The following NETO1 variants were observed in gnomAD, a reference collection of about 807,000 sequenced individuals.
NETO1 encodes neuropilin and tolloid like 1.
In NETO1, 26 loss-of-function variants were observed where a neutral mutation model predicts 61.3. The ratio of observed to expected loss-of-function variants is 0.42; its 90% confidence interval spans 0.31 to 0.59. The LOEUF is 0.59. Among genes scored for constraint, NETO1 ranks in the 20% least tolerant of loss-of-function variants. The probability of loss-of-function intolerance (pLI) is 0.12; values close to 1 mark genes in which losing one functional copy is unlikely to be tolerated. For missense variants in NETO1, 531 were observed against 662.8 expected, an observed-to-expected ratio of 0.80 and a Z score of 2.18; for synonymous variants, 225 against 225.8, an observed-to-expected ratio of 1.00 and a Z score of 0.03.
intron 3 of NETO1, among the ~76,000 whole-genome samples, chr18:72,864,012 G>A (rs2074659479): frequency 6.6e-6 from 1 of 152,126 alleles, no homozygotes; most frequent in Non-Finnish European, 1.5e-5. Context: ...TTGAGGTCAT[G>A]AGTTTGAGAC....
At chr18:72,788,038 T>TTA in intron 6 of NETO1, among the ~76,000 whole-genome samples, 1 of 152,176 alleles carries the variant, frequency 6.6e-6, no homozygotes, top group African/African-American at 2.4e-5. Flanking sequence ...TAGAAATATT[T>TTA]CACATAAGAA....
At chr18:72,764,478 T>C (rs536318640) in intron 7 of NETO1, among the ~76,000 whole-genome samples, 5 of 152,156 alleles carry the variant, frequency 3.3e-5, no homozygotes, top group African/African-American at 2.4e-5. Flanking sequence ...CAGGCCGCTA[T>C]GCTAGTGTCT....
intron 2 of NETO1, 36 bp downstream of exon 2, chr18:72,865,152 G>A (rs1363241279): frequency 2.5e-6 from 4 of 1,585,296 alleles, no homozygotes; most frequent in East Asian, 4.5e-5. Flanking sequence ...AAAATAATTC[G>A]AGGTCTTCCA....
At chr18:72,765,653 A>G (rs1241483561) in intron 7 of NETO1, among the ~76,000 whole-genome samples, 2 of 152,128 alleles carry the variant, frequency 1.3e-5, no homozygotes, top group East Asian at 3.9e-4. Flanking sequence ...TTCTGGCCTC[A>G]TGATCCACCC....
chr18:72,812,736 G>A (rs542762521), intron 4 of NETO1, among the ~76,000 whole-genome samples: 49 of 152,088 alleles, frequency 3.2e-4, no homozygotes, highest in African/African-American at 1.1e-3. Flanking sequence ...AACTTCTTCC[G>A]AAATATTCAG....
At chr18:72,800,924 T>C (rs2072484885) in intron 4 of NETO1, among the ~76,000 whole-genome samples, 2 of 152,316 alleles carry the variant, frequency 1.3e-5, no homozygotes, top group South Asian at 4.1e-4. Flanking sequence ...AGTAAATGTA[T>C]CACATTAGAC....
In NETO1 at chr18:72,747,830, T is replaced by C. The variant is rs2070464588; in HGVS notation, c.*349A>G. The C allele has an allele frequency of 1.3e-5, 2 of 152,062 alleles. No individual in the cohort carries two copies. The highest frequency in any genetic ancestry group is 4.8e-5 in the African/African-American group (2 of 41,418). 9.4% of individuals were successfully genotyped at this position (152,062 alleles called of 1,614,324 possible). On this transcript the variant is annotated 3_prime_UTR_variant, in exon 11 of 11. Transcript: ENST00000327305. ...TCACATATCACACAATGTACAATTA[T>C]ATAACAAAGACATAAAACAACATAG...
intron 8 of NETO1, 110 bp downstream of exon 8, chr18:72,755,924 A>G: frequency 1.7e-6 from 1 of 585,814 alleles, no homozygotes; most frequent in Non-Finnish European, 3.1e-6. Context: ...CGGTGGTCAT[A>G]AAAGGCACTA....
chr18:72,779,870 G>A (rs6566655), intron 7 of NETO1, among the ~76,000 whole-genome samples: 114,145 of 152,094 alleles, frequency 0.75, 42,918 homozygotes, highest in Admixed American at 0.82. Flanking sequence ...TAGGAAGTCC[G>A]AGATCAAGGT....
At chr18:72,769,175 T>G (rs2071262531) in intron 7 of NETO1, among the ~76,000 whole-genome samples, 1 of 152,188 alleles carries the variant, frequency 6.6e-6, no homozygotes. Context: ...TTTTTTCTAA[T>G]TATTATCTGT....
In NETO1 at chr18:72,785,044, T is replaced by A. The variant is rs532703910; in HGVS notation, c.640-1138A>T. Among the ~76,000 whole-genome samples the A allele has an allele frequency of 2.6e-5, 4 of 152,322 alleles. No individual in the cohort carries two copies. The South Asian group carries it at 8.3e-4, about 32-fold the overall frequency. ...AGAATGGTTTCCTAATAAAGACACA[T>A]CTTTCATACAGATATCTCCTGAATA... On this transcript the variant is annotated intron_variant, in intron 6 of 10. Transcript: ENST00000327305.
chr18:72,829,175 A>G lies in NETO1; in HGVS notation c.469+29651T>C, dbSNP rs190100304. On this transcript the variant is annotated intron_variant, in intron 4 of 10. Transcript: ENST00000327305. ...TTATAAAAAAAGAATGGATTGAAGA[A>G]GACATTTTAAAAGACTTAGGATTAA... 1.3e-4 allele frequency among the ~76,000 whole-genome samples: 20 copies of G among 152,338 alleles called. No individual in the cohort carries two copies. The East Asian group carries it at 3.3e-3, about 25-fold the overall frequency.
intron 6 of NETO1, among the ~76,000 whole-genome samples, chr18:72,791,626 CTATT>C (rs1377729139): frequency 3.9e-5 from 6 of 152,076 alleles, no homozygotes; most frequent in African/African-American, 1.5e-4. Flanking sequence ...AAAAGACAGT[CTATT>C]TACCAGCTGG....
At chr18:72,850,267 A>G (rs1303646224) in intron 4 of NETO1, among the ~76,000 whole-genome samples, 4 of 152,158 alleles carry the variant, frequency 2.6e-5, no homozygotes, top group Admixed American at 1.3e-4. Flanking sequence ...TGGATCAATA[A>G]ACAGTTGTTA....
chr18:72,865,082 A>G (rs186169416), intron 2 of NETO1, 106 bp downstream of exon 2: 418 of 1,384,596 alleles, frequency 3.0e-4, no homozygotes, highest in Non-Finnish European at 4.0e-4. Context: ...TCAATTATAC[A>G]TATTATAACA....
intron 4 of NETO1, among the ~76,000 whole-genome samples, chr18:72,837,574 G>A (rs1007034025): frequency 5.3e-5 from 8 of 151,934 alleles, no homozygotes; most frequent in African/African-American, 1.9e-4. Context: ...GCTGATTTTT[G>A]GTCAAAGTTT....
chr18:72,792,772 A>G (rs759880126), intron 6 of NETO1, among the ~76,000 whole-genome samples: 4 of 151,914 alleles, frequency 2.6e-5, no homozygotes, highest in Non-Finnish European at 5.9e-5. Context: ...TTAAGCAATC[A>G]ACACCACCTC....
intron 3 of NETO1, among the ~76,000 whole-genome samples, chr18:72,861,817 GC>G (rs1418316744): frequency 6.6e-6 from 1 of 152,082 alleles, no homozygotes. Flanking sequence ...TGTGCAATCT[GC>G]CCCTTTAAAA....
At chr18:72,853,105 G>A (rs2074304741) in intron 4 of NETO1, among the ~76,000 whole-genome samples, 1 of 152,072 alleles carries the variant, frequency 6.6e-6, no homozygotes, top group Non-Finnish European at 1.5e-5. Context: ...AAAGTGCTGG[G>A]ATTACAAGCA....
Sources: allele counts gnomAD v4.1 joint callset (sites outside exome capture counted in the v4.1 genomes callset), GRCh38; gene constraint gnomAD v4.1.1; transcripts MANE v1.5; gene names NCBI Gene and HGNC (gene_info 2026-07-23, HGNC 2026-07-21).